The following LINGO2 variants were observed in gnomAD, a reference collection of about 807,000 sequenced individuals.
The protein encoded by LINGO2 is leucine-rich repeat and immunoglobulin-like domain-containing nogo receptor-interacting protein 2.
In LINGO2, 14 loss-of-function variants were observed where a neutral mutation model predicts 30.6. The observed-to-expected ratio is 0.46, with a 90% CI of 0.30 to 0.72. LINGO2 has a LOEUF of 0.72. Ranked by LOEUF, LINGO2 falls within the 30% of genes least tolerant of loss-of-function variation. The pLI is 0.07. For synonymous variants in LINGO2, 317 were observed against 288.5 expected, an observed-to-expected ratio of 1.10 and a Z score of -1.00; for missense variants, 729 against 751.7, an observed-to-expected ratio of 0.97 and a Z score of 0.35.
At chr9:29,055,415 C>A in the LINGO2 span, among the ~76,000 whole-genome samples, 1 of 152,126 alleles carries the variant, frequency 6.6e-6, no homozygotes, top group Non-Finnish European at 1.5e-5. Flanking sequence ...TATTCCACTC[C>A]GTGCATATCA....
At chr9:28,637,660 C>T (rs948954375) in intron 1 of LINGO2, among the ~76,000 whole-genome samples, 7 of 152,058 alleles carry the variant, frequency 4.6e-5, no homozygotes, top group South Asian at 2.1e-4. Context: ...GTGATTTTTG[C>T]ACATTGATTT....
intron 1 of LINGO2, among the ~76,000 whole-genome samples, chr9:28,582,163 T>C (rs1011841862): frequency 7.2e-5 from 11 of 152,058 alleles, no homozygotes; most frequent in African/African-American, 2.7e-4. Context: ...ATGACTTTGA[T>C]GAAAACACAA....
the LINGO2 span, among the ~76,000 whole-genome samples, chr9:28,947,419 G>A: frequency 6.6e-6 from 1 of 152,052 alleles, no homozygotes; most frequent in Non-Finnish European, 1.5e-5. Flanking sequence ...CTGAACTTCT[G>A]TTTCTGCATC....
chr9:28,111,480 GA>G, intron 4 of LINGO2, among the ~76,000 whole-genome samples: 1 of 151,804 alleles, frequency 6.6e-6, no homozygotes, highest in Non-Finnish European at 1.5e-5. Context: ...GAATTGTACA[GA>G]AAAAAAGGCT....
intron 4 of LINGO2, among the ~76,000 whole-genome samples, chr9:28,084,608 G>A (rs1294170850): frequency 1.3e-5 from 2 of 152,048 alleles, no homozygotes; most frequent in African/African-American, 2.4e-5. Flanking sequence ...AAGAAGCTTT[G>A]GCTCATTTTG....
At chr9:29,009,246 C>G in the LINGO2 span, among the ~76,000 whole-genome samples, 1 of 152,110 alleles carries the variant, frequency 6.6e-6, no homozygotes, top group African/African-American at 2.4e-5. Flanking sequence ...GTCAAATTGT[C>G]CCTGTTTGCA....
the LINGO2 span, among the ~76,000 whole-genome samples, chr9:29,105,404 T>G: frequency 6.6e-6 from 1 of 152,210 alleles, no homozygotes; most frequent in African/African-American, 2.4e-5. Flanking sequence ...TGAATTTTTC[T>G]ACGTAACCTC....
chr9:28,814,118 C>A, the LINGO2 span, among the ~76,000 whole-genome samples: 1 of 152,150 alleles, frequency 6.6e-6, no homozygotes, highest in South Asian at 2.1e-4. Context: ...TGACCAGACT[C>A]AAATCACACA....
chr9:28,698,237 C>A, the LINGO2 span, among the ~76,000 whole-genome samples: 333 of 152,152 alleles, frequency 2.2e-3, 3 homozygotes, highest in Non-Finnish European at 2.5e-3. Context: ...GTATTTGCAT[C>A]ATGGCTCTTT....
chr9:28,468,162 A>C (rs989269419), intron 2 of LINGO2, among the ~76,000 whole-genome samples: 11 of 152,182 alleles, frequency 7.2e-5, no homozygotes, highest in Non-Finnish European at 1.3e-4. Flanking sequence ...TGCCCAATCA[A>C]GAAAAAGCCA....
intron 4 of LINGO2, among the ~76,000 whole-genome samples, chr9:28,068,763 C>T (rs1825387655): frequency 6.6e-6 from 1 of 152,088 alleles, no homozygotes; most frequent in Non-Finnish European, 1.5e-5. Flanking sequence ...AACTTTTAAG[C>T]TTGATTTTTG....
intron 4 of LINGO2, among the ~76,000 whole-genome samples, chr9:28,233,061 T>TATATATATATATAAAA (rs60875467): frequency 1.7e-5 from 2 of 118,830 alleles, no homozygotes; most frequent in African/African-American, 7.2e-5. Flanking sequence ...TATATATATA[T>TATATATATATATAAAA]TAGATATATA....
At chr9:27,995,881 A>G (rs1309713798) in intron 5 of LINGO2, among the ~76,000 whole-genome samples, 1 of 152,202 alleles carries the variant, frequency 6.6e-6, no homozygotes, top group Admixed American at 6.5e-5. Flanking sequence ...ATACAGCAGA[A>G]AGAGATACAA....
chr9:28,588,598 A>AAAAC (rs5897309), intron 1 of LINGO2, among the ~76,000 whole-genome samples: 45,314 of 150,466 alleles, frequency 0.3, 6,992 homozygotes, highest in Admixed American at 0.38. Flanking sequence ...AGTTCAGGTT[A>AAAAC]AAACAAACAA....
chr9:28,584,411 A>G (rs778414306), intron 1 of LINGO2, among the ~76,000 whole-genome samples: 2 of 151,994 alleles, frequency 1.3e-5, no homozygotes, highest in Non-Finnish European at 2.9e-5. Context: ...TCCTATTAAC[A>G]CTTTGTATAA....
At chr9:28,603,458 G>A (rs1017738891) in intron 1 of LINGO2, among the ~76,000 whole-genome samples, 1 of 152,002 alleles carries the variant, frequency 6.6e-6, no homozygotes, top group Non-Finnish European at 1.5e-5. Flanking sequence ...GGGAATCATA[G>A]TGGTTTCTGA....
chr9:28,943,016 C>T, the LINGO2 span, among the ~76,000 whole-genome samples: 1 of 152,112 alleles, frequency 6.6e-6, no homozygotes, highest in Non-Finnish European at 1.5e-5. Flanking sequence ...CAGTGACAGA[C>T]AGAATGATAA....
At chr9:28,594,488 G>A (rs191925912) in intron 1 of LINGO2, among the ~76,000 whole-genome samples, 2 of 152,144 alleles carry the variant, frequency 1.3e-5, no homozygotes, top group East Asian at 3.9e-4. Context: ...TGCACTAAGG[G>A]GATGCCTAGT....
At chr9:28,381,236 C>T (rs1250922273) in intron 2 of LINGO2, among the ~76,000 whole-genome samples, 1 of 151,954 alleles carries the variant, frequency 6.6e-6, no homozygotes, top group African/African-American at 2.4e-5. Context: ...AACAAACAAA[C>T]AAAAACAAAA....
Sources: allele counts gnomAD v4.1 joint callset (sites outside exome capture counted in the v4.1 genomes callset), GRCh38; gene constraint gnomAD v4.1.1; transcripts MANE v1.5; gene names NCBI Gene and HGNC (gene_info 2026-07-23, HGNC 2026-07-21).